Variants in MED12L observed in about 807,000 individuals in gnomAD.
The protein encoded by MED12L is mediator complex subunit 12L, also known as mediator of RNA polymerase II transcription subunit 12-like protein.
MED12L carries 60 observed loss-of-function variants against 281.3 expected under a neutral mutation model. That is an observed-to-expected ratio of 0.21 (90% confidence interval 0.17 to 0.26). The LOEUF (loss-of-function observed/expected upper bound fraction) is 0.26. Among genes scored for constraint, MED12L ranks in the 10% least tolerant of loss-of-function variants. The pLI, the probability that MED12L is intolerant of heterozygous loss-of-function variation, is 1.00. For missense variants in MED12L, 2,146 were observed against 2,680.9 expected (o/e 0.80, Z 4.41); for synonymous variants, 974 against 987.2 (o/e 0.99, Z 0.25).
At chr3:151,312,415 T>G (rs894469604) in intron 16 of MED12L, among the ~76,000 whole-genome samples, 1 of 152,226 alleles carries the variant, frequency 6.6e-6, no homozygotes, top group Non-Finnish European at 1.5e-5. Flanking sequence ...TACAGGGACT[T>G]CAGATCATTT....
At chr3:151,353,985 CA>C (rs1366491094) in intron 17 of MED12L, among the ~76,000 whole-genome samples, 1 of 139,232 alleles carries the variant, frequency 7.2e-6, no homozygotes, top group Admixed American at 7.2e-5. Flanking sequence ...ACTAAAAATA[CA>C]AAAAATTAGC....
intron 16 of MED12L, among the ~76,000 whole-genome samples, chr3:151,321,581 A>C (rs760013729): frequency 3.3e-5 from 5 of 152,230 alleles, no homozygotes; most frequent in Admixed American, 6.5e-5. Context: ...AACACCAGTA[A>C]GTAAAGTCAT....
At chr3:151,143,851 G>A (rs1717387937) in intron 5 of MED12L, among the ~76,000 whole-genome samples, 1 of 152,202 alleles carries the variant, frequency 6.6e-6, no homozygotes, top group South Asian at 2.1e-4. Context: ...GTAGAAGGCT[G>A]TGGGGATATG....
At chr3:151,353,142 A>C (rs1249996176) in intron 17 of MED12L, among the ~76,000 whole-genome samples, 1 of 152,182 alleles carries the variant, frequency 6.6e-6, no homozygotes, top group Non-Finnish European at 1.5e-5. Context: ...AAAAAGGTGC[A>C]CTTGGGAGTT....
rs532179459 is a variant in MED12L at position 151,386,994 on chromosome 3, G to A, written c.5089-816G>A. Among the ~76,000 whole-genome samples the A allele has an allele frequency of 2.6e-3, 403 of 152,286 alleles. 3 individuals are homozygous for A. Among genetic ancestry groups the A allele is most frequent in the African/African-American group, 9.3e-3 (386 of 41,564 alleles). ...CCAAGTGTTGGGATTACAGACACGA[G>A]CCACTGTGCCTGGCCTGAACCTTAG... On this transcript the variant is annotated intron_variant, in intron 36 of 44. Coordinates refer to ENST00000687756, the MANE Select transcript of MED12L (RefSeq NM_001393769.1).
intron 16 of MED12L, chr3:151,338,205 T>C (rs143655651): frequency 3.1e-6 from 5 of 1,614,030 alleles, no homozygotes; most frequent in African/African-American, 1.3e-5. Flanking sequence ...GTACAGTTCT[T>C]TTGTAATGAG....
intron 16 of MED12L, among the ~76,000 whole-genome samples, chr3:151,301,911 A>G (rs1745982090): frequency 6.6e-6 from 1 of 152,252 alleles, no homozygotes. Context: ...GTATCTAGCC[A>G]CAAGAAATGA....
rs191747917 is a variant in MED12L at position 151,099,861 on chromosome 3, A to T, written c.99+12836A>T. 7.4e-3 allele frequency among the ~76,000 whole-genome samples: 1,121 copies of T among 152,298 alleles called. 4 individuals carry two copies. Among genetic ancestry groups the T allele is most frequent in the African/African-American group, 0.021 (860 of 41,562 alleles). On this transcript the variant is annotated intron_variant, in intron 2 of 44. Coordinates refer to ENST00000687756, the MANE Select transcript of MED12L (RefSeq NM_001393769.1). ...ATAAATAATTGAAGTCATGGGTGTG[A>T]TTACCTGTTGAGAGTGTGCAAAGAG...
At position 151,363,700 on chromosome 3, in the gene MED12L, G is replaced by C. The variant is rs150778503; in HGVS notation, c.2958-1279G>C. ...TTAGTAGATGACTTTAGTCCTCTTT[G>C]TTAGAGTAGTGCTTCCCAAGCATTA... is the stretch of plus-strand genomic sequence containing the variant. On this transcript the variant is annotated intron_variant, in intron 21 of 44. Transcript: ENST00000687756. Among the ~76,000 whole-genome samples the C allele has an allele frequency of 9.3e-3, 1,418 of 152,262 alleles. 17 individuals are homozygous for C. Among genetic ancestry groups the C allele is most frequent in the African/African-American group, 0.032 (1,341 of 41,552 alleles).
chr3:151,252,792 G>T (rs1174673315), intron 16 of MED12L, among the ~76,000 whole-genome samples: 1 of 152,060 alleles, frequency 6.6e-6, no homozygotes, highest in African/African-American at 2.4e-5. Flanking sequence ...AACTAGATAA[G>T]TTCTAGAACT....
chr3:151,218,760 G>A (rs967069102), intron 16 of MED12L, among the ~76,000 whole-genome samples: 3 of 149,610 alleles, frequency 2.0e-5, no homozygotes, highest in Non-Finnish European at 4.4e-5. Context: ...CTAGTTACTT[G>A]GGAGGCTGAG....
At chr3:151,411,221 T>C (rs915959492) in intron 40 of MED12L, 57 bp from the exon 41 acceptor site, 2 of 1,481,520 alleles carry the variant, frequency 1.3e-6, no homozygotes, top group African/African-American at 1.4e-5. Context: ...ATCGTAGTGA[T>C]GGGAAAGCTA....
intron 2 of MED12L, among the ~76,000 whole-genome samples, chr3:151,111,866 C>G (rs940342919): frequency 1.3e-5 from 2 of 152,080 alleles, no homozygotes; most frequent in East Asian, 3.9e-4. Context: ...GTTGTGGCTG[C>G]TACCATTGAG....
rs1036901127 is a variant in MED12L at position 151,213,849 on chromosome 3, A to G, written c.2250+20183A>G. The G allele has an allele frequency of 2.5e-6, 4 of 1,614,036 alleles. No homozygotes were observed. The African/African-American group carries it at 4.0e-5, about 16-fold the overall frequency. Reference sequence around the variant, plus strand: ...TAACACTCTGGTTGGTGAGAATAATATTTGGAACAGCAAGGAGGAGCATGA... The same window carrying G: ...TAACACTCTGGTTGGTGAGAATAATGTTTGGAACAGCAAGGAGGAGCATGA... On this transcript the variant is annotated intron_variant, in intron 16 of 44. Coordinates refer to ENST00000687756, the MANE Select transcript of MED12L (RefSeq NM_001393769.1).
At position 151,434,125 on chromosome 3, in the gene MED12L, C is replaced by CT. The variant is rs1719828307; in HGVS notation, c.*1322dup. ...TGTGGGGGATATTTTCCCATGTTCT[C>CT]TGTTATTTCATTTTCTTTTGCCATA... On this transcript the variant is annotated 3_prime_UTR_variant, in exon 45 of 45. Coordinates refer to ENST00000687756, the MANE Select transcript of MED12L (RefSeq NM_001393769.1). The CT allele has an allele frequency of 6.6e-6, 1 of 152,234 alleles. No homozygotes were observed. Among genetic ancestry groups the CT allele is most frequent in the Non-Finnish European group, 1.5e-5 (1 of 68,002 alleles). The allele number at this position is 152,234 out of a possible 1,614,324, so 9.4% of individuals were successfully genotyped here.
rs1365667052 is a variant in MED12L, at chr3:151,436,027, C to T, written c.*3223C>T. On this transcript the variant is annotated 3_prime_UTR_variant, in exon 45 of 45. Coordinates refer to ENST00000687756, the MANE Select transcript of MED12L (RefSeq NM_001393769.1). ...AACCTTTTTAATGGGTGTATTTGGA[C>T]AAAAATAACCCCCTTTTCACATTTT... 7 of 152,062 alleles carry T rather than the reference C, an allele frequency of 4.6e-5. No individual in the cohort carries two copies. Among genetic ancestry groups the T allele is most frequent in the Non-Finnish European group, 1.0e-4 (7 of 68,010 alleles). The allele number at this position is 152,062 out of a possible 1,614,324, so 9.4% of individuals were successfully genotyped here.
intron 4 of MED12L, 105 bp downstream of exon 4, chr3:151,123,079 A>G: frequency 1.0e-6 from 1 of 986,380 alleles, no homozygotes; most frequent in Non-Finnish European, 1.5e-6. Context: ...TGAGACTGCA[A>G]GCCTATTGGC....
chr3:151,294,509 C>T lies in MED12L; in HGVS notation c.2251-55550C>T, dbSNP rs764492925. The T allele has an allele frequency of 1.9e-5, 30 of 1,614,146 alleles. No individual in the cohort carries two copies. In the East Asian group the frequency reaches 2.0e-4, roughly 11 times the overall value. On this transcript the variant is annotated intron_variant, in intron 16 of 44. Transcript: ENST00000687756. Reference sequence around the variant, plus strand: ...GATGCTCTGGTTATGTTTTCGCTTTCGGCTTGACTGACTTATGAATTGCCT... The same window carrying T: ...GATGCTCTGGTTATGTTTTCGCTTTTGGCTTGACTGACTTATGAATTGCCT...
In MED12L at chr3:151,165,510, T is replaced by G; in HGVS notation, c.1348T>G (p.Ser450Ala). 6.2e-7 allele frequency: 1 copy of G among 1,612,766 alleles called. No individual in the cohort carries two copies. The highest frequency in any genetic ancestry group is 8.5e-7 in the Non-Finnish European group (1 of 1,178,792). Residue 450 changes from serine to alanine, a missense_variant, in exon 10 of 45, where the codon TCC becomes GCC. Transcript: ENST00000687756. ...VRWSFDKCQE[S>A]TAGVTISRVL... ...GTGGTCATTTGACAAGTGCCAAGAA[T>G]CCACAGCAGGTACAGAATGCCACAG...
Sources: allele counts gnomAD v4.1 joint callset (sites outside exome capture counted in the v4.1 genomes callset), GRCh38; gene constraint gnomAD v4.1.1; transcripts MANE v1.5; gene names NCBI Gene and HGNC (gene_info 2026-07-23, HGNC 2026-07-21).